The following CDKN2A variants were observed in gnomAD, a reference collection of about 807,000 sequenced individuals.
CDKN2A encodes the protein cyclin dependent kinase inhibitor 2A, also known as cyclin-dependent kinase inhibitor 2A.
In CDKN2A, 3 loss-of-function variants were observed where a neutral mutation model predicts 11.1. The observed-to-expected ratio is 0.27, with a 90% CI of 0.12 to 0.70. The LOEUF (loss-of-function observed/expected upper bound fraction) is 0.70, where lower values mean the gene tolerates loss of function less well. CDKN2A is among the 30% of genes least tolerant of loss of function. CDKN2A has a pLI of 0.77. For synonymous variants in CDKN2A, 122 were observed against 108.1 expected, an observed-to-expected ratio of 1.13 and a Z score of -0.80; for missense variants, 265 against 233.6, an observed-to-expected ratio of 1.13 and a Z score of -0.88.
intron 2 of CDKN2A, chr9:21,970,465 C>G: frequency 2.6e-6 from 1 of 390,890 alleles, no homozygotes; most frequent in Non-Finnish European, 4.6e-6. Flanking sequence ...TGATGCCACG[C>G]ACAATTGGGT....
chr9:21,984,311 T>C (rs919828995), intron 2 of CDKN2A, among the ~76,000 whole-genome samples: 5 of 152,014 alleles, frequency 3.3e-5, no homozygotes, highest in African/African-American at 7.2e-5. Flanking sequence ...CATTAAATCA[T>C]GAGAAGTGAC....
rs767492367 is a variant in CDKN2A at position 21,974,508 on chromosome 9, A to G, written c.150+170T>C. 2 of 1,612,898 alleles carry G rather than the reference A, an allele frequency of 1.2e-6. No individual in the cohort carries two copies. Among genetic ancestry groups the G allele is most frequent in the African/African-American group, 1.3e-5 (1 of 74,898 alleles). On this transcript the variant is annotated intron_variant, in intron 1 of 2. Transcript: ENST00000304494. This position sits in a 1 kb window ranked among gnomAD's most constrained non-coding sequence, Gnocchi z 5.2. ...CTCTTCCTTGGCTTCCCAAGCCCCC[A>G]GGGCGTCGCCAGGAGGAGGTCTGTG... is the stretch of plus-strand genomic sequence containing the variant.
chr9:21,976,736 A>C (rs1820044400), upstream of CDKN2A, among the ~76,000 whole-genome samples: 1 of 152,154 alleles, frequency 6.6e-6, no homozygotes, highest in Non-Finnish European at 1.5e-5. Context: ...AAAGAAAGAA[A>C]GAAAGAAAGA....
chr9:21,994,027 G>A, exon 2 of CDKN2A: 5 of 1,257,182 alleles, frequency 4.0e-6, no homozygotes, highest in South Asian at 2.6e-5. Flanking sequence ...TCCACCGGCG[G>A]TTATCTCCTC....
chr9:21,991,804 C>T lies in CDKN2A; in HGVS notation c.-4+2078G>A, dbSNP rs1820437496. ...ATATAAGTCTTGATTTCTGAAAGGG[C>T]TATGGTTCACTTGGAACACAATACA... On this transcript the variant is annotated intron_variant, in intron 2 of 3. Coordinates refer to the CDKN2A transcript ENST00000494262. This position sits in a 1 kb window ranked among gnomAD's most constrained non-coding sequence, Gnocchi z 5.2. 1 of 985,042 alleles carries T rather than the reference C, an allele frequency of 1.0e-6. No individual in the cohort carries two copies. The highest frequency in any genetic ancestry group is 6.2e-5 in the Admixed American group (1 of 16,258). The allele number at this position is 985,042 out of a possible 1,614,324, so 61.0% of individuals were successfully genotyped here.
At chr9:21,973,969 C>G (rs912068343) in intron 1 of CDKN2A, among the ~76,000 whole-genome samples, 1 of 152,154 alleles carries the variant, frequency 6.6e-6, no homozygotes, top group Non-Finnish European at 1.5e-5. Context: ...CTGTTCACTA[C>G]AACCTCAGCC....
chr9:21,993,953 G>A, exon 2 of CDKN2A: 1 of 685,534 alleles, frequency 1.5e-6, no homozygotes, highest in South Asian at 1.7e-5. Flanking sequence ...GTGAAGGGAG[G>A]TCCAGGTTCA....
At chr9:21,992,339 G>T (rs1169107602) in intron 2 of CDKN2A, 1 of 892,570 alleles carries the variant, frequency 1.1e-6, no homozygotes, top group Non-Finnish European at 1.3e-6. Context: ...AACACCGCTA[G>T]ATTTTATATT....
chr9:21,978,544 A>G (rs1215283213), upstream of CDKN2A, among the ~76,000 whole-genome samples: 1 of 152,222 alleles, frequency 6.6e-6, no homozygotes, highest in Non-Finnish European at 1.5e-5. Flanking sequence ...AAAATTTACT[A>G]CATTTACTAA....
At chr9:21,994,053 G>T in exon 2 of CDKN2A, 1 of 1,443,496 alleles carries the variant, frequency 6.9e-7, no homozygotes, top group Non-Finnish European at 9.4e-7. Context: ...CCTAGCCTGG[G>T]CTAGAGACGA....
At chr9:21,994,168 A>T in intron 1 of CDKN2A, 1 of 1,603,654 alleles carries the variant, frequency 6.2e-7, no homozygotes, top group Non-Finnish European at 8.5e-7. Context: ...CTGCTGCCCT[A>T]GACGCTGGCT....
At chr9:21,994,093 A>G in intron 1 of CDKN2A, 1 of 1,579,978 alleles carries the variant, frequency 6.3e-7, no homozygotes. Flanking sequence ...ACACCAAACA[A>G]AACAAGTGCC....
rs779442983 is a variant in CDKN2A, at chr9:21,988,301, C to G, written c.-4+5581G>C. On this transcript the variant is annotated intron_variant, in intron 2 of 3. Transcript: ENST00000494262. The surrounding 1 kb of genome is among the most constrained non-coding windows in gnomAD (Gnocchi z 4.1). ...CTTTGTGATAACATGTTTATATTTT[C>G]ATGAACAAAGCCAATAAGTCATAAA... 1.3e-4 allele frequency among the ~76,000 whole-genome samples: 20 copies of G among 152,152 alleles called. 1 individual carries two copies. Among genetic ancestry groups the G allele is most frequent in the Non-Finnish European group, 2.8e-4 (19 of 68,020 alleles).
At chr9:21,981,411 C>T (rs540792104) in intron 2 of CDKN2A, among the ~76,000 whole-genome samples, 5 of 151,624 alleles carry the variant, frequency 3.3e-5, no homozygotes, top group African/African-American at 1.2e-4. Flanking sequence ...CTTATGAGAG[C>T]GAGATATATG....
intron 2 of CDKN2A, among the ~76,000 whole-genome samples, chr9:21,992,734 CTA>C (rs1820456334): frequency 6.6e-6 from 1 of 151,718 alleles, no homozygotes; most frequent in East Asian, 1.9e-4. Flanking sequence ...ATAATATTAA[CTA>C]GAGTAATAAA....
intron 1 of CDKN2A, 146 bp from the exon 2 acceptor site, chr9:21,971,354 T>C: frequency 6.7e-7 from 1 of 1,498,362 alleles, no homozygotes. Flanking sequence ...CAGTTTCCAA[T>C]TTCCTTCTTG....
chr9:21,994,542 C>A, intron 1 of CDKN2A: 1 of 1,244,668 alleles, frequency 8.0e-7, no homozygotes, highest in South Asian at 1.6e-5. Context: ...CACTCCCACC[C>A]GGACCTCCAA....
chr9:21,967,922 C>T lies in CDKN2A; in HGVS notation c.*307G>A, dbSNP rs1368893018. On this transcript the variant is annotated 3_prime_UTR_variant, in exon 3 of 3. Transcript: ENST00000304494. ...CTGCGAGGCTCGCAAGAAATGCCCA[C>T]ATGAATGTGCGCTTAGGGCGTGAGT... 2.5e-6 allele frequency: 1 copy of T among 403,630 alleles called. No individual in the cohort carries two copies. Among genetic ancestry groups the T allele is most frequent in the African/African-American group, 2.0e-5 (1 of 50,154 alleles). 25.0% of individuals were successfully genotyped at this position (403,630 alleles called of 1,614,324 possible).
chr9:21,970,344 C>T, intron 2 of CDKN2A: 1 of 264,016 alleles, frequency 3.8e-6, no homozygotes, highest in East Asian at 5.6e-5. Context: ...CCCCAGAACC[C>T]CCTGGGGCAG....
Sources: gnomAD v4.1 joint callset for allele counts (sites outside exome capture counted in the v4.1 genomes callset) on GRCh38, gnomAD v4.1.1 for gene constraint, Gnocchi (gnomAD v3.1) non-coding constraint, MANE v1.5 for transcripts, NCBI Gene and HGNC (gene_info 2026-07-23, HGNC 2026-07-21) for gene names.